Variants in FOCAD observed in about 807,000 individuals in gnomAD.
FOCAD encodes the protein KIAA1797.
In FOCAD, 198 loss-of-function variants were observed where a neutral mutation model predicts 225.6. The ratio of observed to expected loss-of-function variants is 0.88; its 90% CI spans 0.78 to 0.99. The LOEUF (loss-of-function observed/expected upper bound fraction) is 0.99. Among genes scored for constraint, FOCAD ranks in the 50% least tolerant of loss-of-function variants. The pLI is 0.00. For synonymous variants in FOCAD, 897 were observed against 755.0 expected (o/e 1.19, Z -3.08); for missense variants, 2,713 against 2,123.6 (o/e 1.28, Z -5.46).
At chr9:20,784,233 T>C (rs766847665) in intron 10 of FOCAD, among the ~76,000 whole-genome samples, 1 of 152,174 alleles carries the variant, frequency 6.6e-6, no homozygotes, top group African/African-American at 2.4e-5. Context: ...ATCCTGTATG[T>C]CCCTAGCAGC....
At chr9:20,789,322 T>C (rs1008200709) in intron 10 of FOCAD, 29 bp from the exon 11 acceptor site, 18 of 1,598,280 alleles carry the variant, frequency 1.1e-5, no homozygotes, top group Non-Finnish European at 1.5e-5. Flanking sequence ...ATCTCACTTA[T>C]TTATGCCTCT....
chr9:20,901,192 ATG>A (rs71334562), intron 21 of FOCAD, among the ~76,000 whole-genome samples: 32,878 of 105,184 alleles, frequency 0.31, 3,850 homozygotes, highest in Middle Eastern at 0.41. Flanking sequence ...TGTGGAAACA[ATG>A]TGTGTGTGTG....
chr9:20,815,123 G>GTTTTTTTTTTTTGTTTTTTTTT (rs1823542087), intron 11 of FOCAD, among the ~76,000 whole-genome samples: 3 of 85,396 alleles, frequency 3.5e-5, no homozygotes, highest in South Asian at 3.9e-4. Context: ...ACTTCTCTTT[G>GTTTTTTTTTTTTGTTTTTTTTT]TTTTTTTTTT....
chr9:20,685,082 A>T (rs529471668), intron 1 of FOCAD, among the ~76,000 whole-genome samples: 3 of 152,328 alleles, frequency 2.0e-5, no homozygotes, highest in African/African-American at 7.2e-5. Flanking sequence ...ATACATTCCA[A>T]ACTTTTTTGA....
At chr9:20,914,960 A>G (rs1401823490) in intron 23 of FOCAD, among the ~76,000 whole-genome samples, 1 of 152,194 alleles carries the variant, frequency 6.6e-6, no homozygotes, top group African/African-American at 2.4e-5. Flanking sequence ...TATAAATGCT[A>G]ATAATTGAAA....
intron 2 of FOCAD, among the ~76,000 whole-genome samples, chr9:20,662,968 A>G (rs568338498): frequency 6.6e-6 from 1 of 152,372 alleles, no homozygotes; most frequent in Admixed American, 6.5e-5. Context: ...ATGTATTTCA[A>G]TATAACCTTT....
intron 39 of FOCAD, 22 bp from the exon 40 acceptor site, chr9:20,986,266 A>ATTGTTTTTTTTT: frequency 1.4e-6 from 1 of 705,686 alleles, no homozygotes; most frequent in Non-Finnish European, 1.8e-6. Flanking sequence ...TAACTAAACA[A>ATTGTTTTTTTTT]TTTTTTTTTT....
chr9:20,973,002 C>G (rs547095422), intron 35 of FOCAD, among the ~76,000 whole-genome samples: 1 of 150,476 alleles, frequency 6.6e-6, no homozygotes, highest in East Asian at 2.0e-4. Context: ...TGTTCTGGTT[C>G]CCTCTTCTTT....
chr9:20,931,193 C>G (rs902687040), intron 27 of FOCAD, among the ~76,000 whole-genome samples: 1 of 152,130 alleles, frequency 6.6e-6, no homozygotes, highest in Non-Finnish European at 1.5e-5. Flanking sequence ...GACCCTGCTT[C>G]CTAGGTTGTC....
intron 11 of FOCAD, among the ~76,000 whole-genome samples, chr9:20,807,566 A>T (rs943602026): frequency 2.0e-5 from 3 of 152,202 alleles, no homozygotes; most frequent in Non-Finnish European, 2.9e-5. Context: ...GAAGTATGTT[A>T]TATATATGTA....
intron 40 of FOCAD, 43 bp downstream of exon 40, chr9:20,986,508 T>G: frequency 2.0e-6 from 3 of 1,500,680 alleles, no homozygotes; most frequent in Non-Finnish European, 1.8e-6. Context: ...GGAATAGATC[T>G]GCCTGCTGTT....
chr9:20,787,923 T>C lies in FOCAD; in HGVS notation c.1198-1428T>C, dbSNP rs146441124. ...CAGTGAGAGCTTCCTCATTTGTTTT[T>C]ACTGTGACATTTAATTGTCAAAGAA... On this transcript the variant is annotated intron_variant, in intron 10 of 43. Transcript: ENST00000338382. Among the ~76,000 whole-genome samples, 955 of 152,314 alleles carry C rather than the reference T, an allele frequency of 6.3e-3. 10 individuals carry two copies. The highest frequency in any genetic ancestry group is 0.022 in the African/African-American group (911 of 41,568).
chr9:20,916,529 A>G (rs917854310), intron 23 of FOCAD, among the ~76,000 whole-genome samples: 12 of 152,218 alleles, frequency 7.9e-5, no homozygotes, highest in African/African-American at 2.9e-4. Flanking sequence ...TTAGGATTCA[A>G]TTTCAAATGT....
intron 22 of FOCAD, among the ~76,000 whole-genome samples, chr9:20,908,849 C>T (rs1833197318): frequency 6.6e-6 from 1 of 152,000 alleles, no homozygotes; most frequent in South Asian, 2.1e-4. Flanking sequence ...ATTTATGTAA[C>T]ATGTTTTATT....
At chr9:20,667,907 G>C (rs1821942230) in intron 2 of FOCAD, among the ~76,000 whole-genome samples, 1 of 152,100 alleles carries the variant, frequency 6.6e-6, no homozygotes, top group Non-Finnish European at 1.5e-5. Context: ...GTAGATAACA[G>C]AAGTGGAGTT....
chr9:20,901,866 A>G (rs981036995), intron 21 of FOCAD, among the ~76,000 whole-genome samples: 3 of 137,528 alleles, frequency 2.2e-5, no homozygotes, highest in Admixed American at 1.4e-4. Flanking sequence ...TTTATCTGGA[A>G]TTAAACCTTT....
chr9:20,979,173 GAGGTTTACC>G (rs1160574901), intron 37 of FOCAD, among the ~76,000 whole-genome samples: 2 of 152,220 alleles, frequency 1.3e-5, no homozygotes. Context: ...TGATTCTTTA[GAGGTTTACC>G]AGTTGATGTA....
At position 20,789,251 on chromosome 9, in the gene FOCAD, G is replaced by T. The variant is rs988102170; in HGVS notation, c.1198-100G>T. ...TCAATTTGTATTCATTTTGTTGGAA[G>T]GAGTGATATCTTACAATGAAATATA... is the stretch of plus-strand genomic sequence containing the variant. On this transcript the variant is annotated intron_variant, in intron 10 of 43. Coordinates refer to ENST00000338382, the MANE Select transcript of FOCAD (RefSeq NM_001375567.1). The T allele has an allele frequency of 3.1e-6, 4 of 1,296,920 alleles. No homozygotes were observed. The African/African-American group carries it at 5.9e-5, about 19-fold the overall frequency. 80.3% of individuals were successfully genotyped at this position (1,296,920 alleles called of 1,614,324 possible). A position where few individuals can be genotyped will look rare whatever the true frequency, so the allele number is the denominator to read the frequency against.
intron 23 of FOCAD, among the ~76,000 whole-genome samples, chr9:20,916,355 G>A (rs1420727297): frequency 1.3e-5 from 2 of 152,064 alleles, no homozygotes; most frequent in Non-Finnish European, 2.9e-5. Context: ...TGGCTTTCCT[G>A]TGACTATATA....
Sources: gnomAD v4.1 joint callset for allele counts (sites outside exome capture counted in the v4.1 genomes callset) on GRCh38, gnomAD v4.1.1 for gene constraint, MANE v1.5 for transcripts, NCBI Gene and HGNC (gene_info 2026-07-23, HGNC 2026-07-21) for gene names.